SGSM2: variants seen among roughly 807,000 people sequenced by gnomAD.
SGSM2 encodes the protein small G protein signaling modulator 2.
SGSM2 carries 89 observed loss-of-function variants against 126.6 expected under a neutral mutation model. That is an observed-to-expected ratio of 0.70 (90% CI 0.59 to 0.84). The LOEUF (loss-of-function observed/expected upper bound fraction) is 0.84, where lower values mean the gene tolerates loss of function less well. Ranked by LOEUF, SGSM2 falls within the 40% of genes least tolerant of loss-of-function variation. The pLI, the probability that SGSM2 is intolerant of heterozygous loss-of-function variation, is 0.00. For synonymous variants in SGSM2, 614 were observed against 574.3 expected, an observed-to-expected ratio of 1.07 and a Z score of -0.99; for missense variants, 1,404 against 1,416.6, an observed-to-expected ratio of 0.99 and a Z score of 0.14.
Position 2,373,352 on chromosome 17 carries a change from A to G in SGSM2, c.1939A>G (p.Arg647Gly). The stretch of plus-strand genomic sequence containing the variant: ...ACAGGTGGACGCAGTGGTGGCAGCA[A>G]GGTACCAGCAGGTGTTGGCAGAGTG... The part of the protein sequence containing the change: ...MEQVDAVVAA[R>G]YQQVLAEWKA... Residue 647 changes from arginine (R) to glycine (G), a missense_variant, in exon 17 of 24, where the codon AGG (arginine) becomes GGG (glycine). By Grantham distance (125) the Arg-to-Gly change is moderately radical. Transcript: ENST00000268989. The G allele has an allele frequency of 1.2e-6, 2 of 1,612,660 alleles. No homozygotes were observed. The highest frequency in any genetic ancestry group is 1.7e-6 in the Non-Finnish European group (2 of 1,179,808).
rs768195437 is a variant in SGSM2, at chr17:2,364,634, A to T, written c.971A>T (p.Gln324Leu). Residue 324 changes from glutamine (Q) to leucine (L), a missense_variant, in exon 9 of 24, where the codon CAG becomes CTG. By Grantham distance (113) the Gln-to-Leu change is moderately radical. Coordinates refer to ENST00000268989, the MANE Select transcript of SGSM2 (RefSeq NM_014853.3). ...WDYALVVPFS[Q>L]VVCIHCHQQK... is the part of the protein sequence containing the mutation. ...TATGCCCTCGTGGTGCCCTTCAGCC[A>T]GGTCGTGTGCATCCACTGCCACCAG... The T allele has an allele frequency of 1.2e-6, 2 of 1,614,208 alleles. No individual in the cohort carries two copies. The highest frequency in any genetic ancestry group is 2.2e-5 in the South Asian group (2 of 91,084).
Position 2,367,896 on chromosome 17 carries a change from C to G in SGSM2, c.1423+491C>G. Among the ~76,000 whole-genome samples, 1 of 152,146 alleles carries G rather than the reference C, an allele frequency of 6.6e-6. No individual in the cohort carries two copies. The highest frequency in any genetic ancestry group is 1.9e-4 in the East Asian group (1 of 5,194). On this transcript the variant is annotated intron_variant, in intron 12 of 23. Transcript: ENST00000268989. The surrounding 1 kb of genome is among the most constrained non-coding windows in gnomAD (Gnocchi z 4.0). ...AGGCGAGGGGTTGAGGGCTGCCATG[C>G]GAAGGGCCCCAGGGCTCAGTCTTCC...
At chr17:2,353,935 G>T (rs926731981) in intron 2 of SGSM2, among the ~76,000 whole-genome samples, 2 of 152,064 alleles carry the variant, frequency 1.3e-5, no homozygotes, top group Admixed American at 6.6e-5. Context: ...TTGAGACAGG[G>T]TTTCATTCTG....
chr17:2,340,625 C>G (rs557696692), intron 1 of SGSM2, among the ~76,000 whole-genome samples: 1 of 150,032 alleles, frequency 6.7e-6, no homozygotes, highest in South Asian at 2.1e-4. Context: ...CGCTCTGTTG[C>G]CCAGGCTGGA....
At chr17:2,373,189 T>C in intron 16 of SGSM2, 108 bp downstream of exon 16, 4 of 1,552,920 alleles carry the variant, frequency 2.6e-6, no homozygotes, top group South Asian at 1.2e-5. Flanking sequence ...GAAAGAAGCA[T>C]GGCAGGGCAG....
At chr17:2,347,124 G>C (rs538029071) in intron 2 of SGSM2, among the ~76,000 whole-genome samples, 1 of 151,612 alleles carries the variant, frequency 6.6e-6, no homozygotes, top group South Asian at 2.1e-4. Flanking sequence ...TATTTATTTA[G>C]AGACGGAGTC....
rs528466431 is a variant in SGSM2 at position 2,372,423 on chromosome 17, C to T, written c.1723C>T (p.Arg575Trp). Residue 575 changes from arginine (R) to tryptophan (W), a missense_variant, in exon 15 of 24, where the codon CGG (arginine) becomes TGG (tryptophan). Coordinates refer to ENST00000268989, the MANE Select transcript of SGSM2 (RefSeq NM_014853.3). The surrounding 1 kb of genome is among the most constrained non-coding windows in gnomAD (Gnocchi z 6.0). ...LVHHSVIPPD[R>W]PPGASAGLTK... ...GCACCATAGCGTTATCCCACCTGAC[C>T]GGCCCCCGGGGGCCTCCGCGGGCCT... is the stretch of plus-strand genomic sequence containing the variant. 1.0e-4 allele frequency: 167 copies of T among 1,599,486 alleles called. No homozygotes were observed. The highest frequency in any genetic ancestry group is 2.7e-4 in the East Asian group (12 of 44,330).
At chr17:2,338,824 C>A (rs1322154462) in intron 1 of SGSM2, among the ~76,000 whole-genome samples, 1 of 140,340 alleles carries the variant, frequency 7.1e-6, no homozygotes, top group Non-Finnish European at 1.5e-5. Context: ...GTTGGGAGGC[C>A]TAGGTGGGTG....
Position 2,372,879 on chromosome 17 carries a change from G to T in SGSM2, c.1789-74G>T. 2 of 1,519,966 alleles carry T rather than the reference G, an allele frequency of 1.3e-6. No homozygotes were observed. Among genetic ancestry groups the T allele is most frequent in the Non-Finnish European group, 1.8e-6 (2 of 1,129,042 alleles). The allele number at this position is 1,519,966 out of a possible 1,614,324, so 94.2% of individuals were successfully genotyped here. ...CAGGCCCCGCCCCAGCCCATTCTCC[G>T]TGGGATGGGGCTCACCCAGCTGGGC... On this transcript the variant is annotated intron_variant, in intron 15 of 23. Transcript: ENST00000268989. The surrounding 1 kb of genome is among the most constrained non-coding windows in gnomAD (Gnocchi z 6.0).
rs546880285 is a variant in SGSM2, at chr17:2,359,283, C to T, written c.134-2354C>T. ...ATTATTATTTTGTCTGCACACTGCACGCGATAACATATTCATCACACGTGC... is the reference window on the plus strand; with the variant it reads ...ATTATTATTTTGTCTGCACACTGCATGCGATAACATATTCATCACACGTGC... On this transcript the variant is annotated intron_variant, in intron 2 of 23. Coordinates refer to ENST00000268989, the MANE Select transcript of SGSM2 (RefSeq NM_014853.3). 3.4e-4 allele frequency among the ~76,000 whole-genome samples: 51 copies of T among 152,176 alleles called. No individual in the cohort carries two copies. In the South Asian group the frequency reaches 8.5e-3, roughly 25 times the overall value.
At chr17:2,361,375 G>T (rs1019486293) in intron 2 of SGSM2, among the ~76,000 whole-genome samples, 1 of 152,226 alleles carries the variant, frequency 6.6e-6, no homozygotes, top group African/African-American at 2.4e-5. Context: ...TGGTCCTCAT[G>T]ACCCCCAGGG....
chr17:2,363,538 C>T lies in SGSM2; in HGVS notation c.746C>T (p.Ser249Phe). The change falls in exon 7 of 24, where the codon TCC becomes TTC. Residue 249 changes from serine to phenylalanine, a missense_variant. Ser to Phe is a radical substitution (Grantham distance 155). Coordinates refer to ENST00000268989, the MANE Select transcript of SGSM2 (RefSeq NM_014853.3). This position sits in a 1 kb window ranked among gnomAD's most constrained non-coding sequence, Gnocchi z 4.2. ...GCCTGTGCCCGCGAGTGTGTGGAGT[C>T]CCTGCACCAGAACTCACGGACGCGG... ...LAACARECVE[S>F]LHQNSRTRLL... 1 of 1,613,568 alleles carries T rather than the reference C, an allele frequency of 6.2e-7. No individual in the cohort carries two copies. Among genetic ancestry groups the T allele is most frequent in the Non-Finnish European group, 8.5e-7 (1 of 1,179,976 alleles).
At position 2,371,296 on chromosome 17, in the gene SGSM2, G is replaced by T; in HGVS notation, c.1458G>T (p.Gly486=). 1 of 1,612,068 alleles carries T rather than the reference G, an allele frequency of 6.2e-7. No homozygotes were observed. The change falls in exon 13 of 24, where the codon GGG becomes GGT. Residue 486 remains glycine, a synonymous_variant. Coordinates refer to ENST00000268989, the MANE Select transcript of SGSM2 (RefSeq NM_014853.3). ...AGDMIEMQGF[G]PSLPAWHLEP... ...ACATGATCGAGATGCAGGGCTTTGGGCCCAGCCTGCCAGCCTGGCACCTGG... is the reference window on the plus strand; with the variant it reads ...ACATGATCGAGATGCAGGGCTTTGGTCCCAGCCTGCCAGCCTGGCACCTGG...
Position 2,379,128 on chromosome 17 carries a change from G to A in SGSM2, c.2992G>A (p.Ala998Thr), listed in dbSNP as rs1397527485. Residue 998 changes from alanine to threonine, a missense_variant, in exon 23 of 24, where the codon GCC (alanine) becomes ACC (threonine). Transcript: ENST00000268989. Reference sequence around the variant, plus strand: ...GCACTTTGTCCTGTTCATCGCCCTCGCCCTGGTGGAGGCCTACCGAGAGAT... The same window carrying A: ...GCACTTTGTCCTGTTCATCGCCCTCACCCTGGTGGAGGCCTACCGAGAGAT... ...SEHFVLFIAL[A>T]LVEAYREIIR... The A allele has an allele frequency of 6.2e-6, 10 of 1,614,136 alleles. No individual in the cohort carries two copies. The highest frequency in any genetic ancestry group is 1.1e-5 in the South Asian group (1 of 91,066).
At position 2,361,751 on chromosome 17, in the gene SGSM2, G is replaced by T; in HGVS notation, c.248G>T (p.Gly83Val). ...TKVGKTCPVA[G>V]EICHKVQELQ... ...GTGGGGAAGACGTGCCCAGTGGCGG[G>T]GGAGATTTGCCACAAGGTACAGGAG... Residue 83 changes from glycine to valine, a missense_variant, in exon 3 of 24, where the codon GGG becomes GTG. Gly to Val is a moderately radical substitution (Grantham distance 109, BLOSUM62 -3). Transcript: ENST00000268989. The T allele has an allele frequency of 6.2e-7, 1 of 1,613,314 alleles. No individual in the cohort carries two copies. The highest frequency in any genetic ancestry group is 1.3e-5 in the African/African-American group (1 of 75,060).
chr17:2,371,297 CCCAGCCTG>C lies in SGSM2; in HGVS notation c.1468_1475del (p.Pro490AlafsTer29), dbSNP rs771185129. 1.4e-5 allele frequency: 22 copies of C among 1,612,194 alleles called. No homozygotes were observed. The highest frequency in any genetic ancestry group is 1.8e-5 in the Non-Finnish European group (21 of 1,179,858). ...CATGATCGAGATGCAGGGCTTTGGG[CCCAGCCTG>C]CCAGCCTGGCACCTGGAGCCCCTGT... is the stretch of plus-strand genomic sequence containing the variant. On this transcript the variant is annotated frameshift_variant, in exon 13 of 24. Coordinates refer to ENST00000268989, the MANE Select transcript of SGSM2 (RefSeq NM_014853.3). LOFTEE classifies it high-confidence loss of function.
chr17:2,370,248 C>G (rs1001497995), intron 12 of SGSM2, among the ~76,000 whole-genome samples: 3 of 152,236 alleles, frequency 2.0e-5, no homozygotes, highest in African/African-American at 7.2e-5. Context: ...CCCGGCATCA[C>G]CCCCCAGTGC....
At position 2,362,396 on chromosome 17, in the gene SGSM2, C is replaced by T; in HGVS notation, c.458+126C>T. 1 of 1,060,844 alleles carries T rather than the reference C, an allele frequency of 9.4e-7. No homozygotes were observed. The allele number at this position is 1,060,844 out of a possible 1,614,324, so 65.7% of individuals were successfully genotyped here. A position where few individuals can be genotyped will look rare whatever the true frequency, so the allele number is the denominator to read the frequency against. On this transcript the variant is annotated intron_variant, in intron 4 of 23. Transcript: ENST00000268989. The surrounding 1 kb of genome is among the most constrained non-coding windows in gnomAD (Gnocchi z 4.9). ...TTCCCCAAAAACTGCAGGTGACCGC[C>T]CCGTTCCCCCCAAAACTGCAGGTGA...
intron 2 of SGSM2, among the ~76,000 whole-genome samples, chr17:2,352,773 T>TG (rs2064912462): frequency 1.2e-5 from 1 of 86,504 alleles, no homozygotes; most frequent in Non-Finnish European, 2.0e-5. Context: ...TTTTCTTTTT[T>TG]TTTTTTTTTT....
Sources: allele counts gnomAD v4.1 joint callset (sites outside exome capture counted in the v4.1 genomes callset), GRCh38; gene constraint gnomAD v4.1.1; non-coding constraint Gnocchi (gnomAD v3.1); transcripts MANE v1.5; gene names NCBI Gene and HGNC (gene_info 2026-07-23, HGNC 2026-07-21).